The following DPP10 variants were observed in gnomAD, a reference collection of about 807,000 sequenced individuals.
The protein encoded by DPP10 is inactive dipeptidyl peptidase 10.
A neutral mutation model predicts 120.9 loss-of-function variants in DPP10; 33 were observed. That is an observed-to-expected ratio of 0.27 (90% CI 0.21 to 0.37). The LOEUF (loss-of-function observed/expected upper bound fraction) is 0.37, where lower values mean the gene tolerates loss of function less well. DPP10 is among the 10% of genes least tolerant of loss of function. The pLI is 1.00. For synonymous variants in DPP10, 337 were observed against 326.1 expected (o/e 1.03, Z -0.36); for missense variants, 816 against 942.8 (o/e 0.87, Z 1.76).
At chr2:114,602,107 G>A (rs1007492747) in intron 1 of DPP10, among the ~76,000 whole-genome samples, 3 of 151,668 alleles carry the variant, frequency 2.0e-5, no homozygotes, top group Admixed American at 1.3e-4. Context: ...AAAATATTAA[G>A]TATATTTTCA....
At chr2:114,475,443 G>C (rs1415465639) in intron 1 of DPP10, among the ~76,000 whole-genome samples, 1 of 151,988 alleles carries the variant, frequency 6.6e-6, no homozygotes, top group Admixed American at 6.6e-5. Flanking sequence ...TTTCAGTCTT[G>C]GAATTTTTAT....
intron 1 of DPP10, among the ~76,000 whole-genome samples, chr2:114,726,616 A>G (rs1702067445): frequency 6.6e-6 from 1 of 152,208 alleles, no homozygotes; most frequent in Non-Finnish European, 1.5e-5. Flanking sequence ...TTTTTTCTCT[A>G]AATGATCTTT....
chr2:114,695,449 C>T (rs919086808), intron 1 of DPP10, among the ~76,000 whole-genome samples: 3 of 152,026 alleles, frequency 2.0e-5, no homozygotes, highest in Non-Finnish European at 4.4e-5. Context: ...ATCGATTCCT[C>T]TGGAAATTCT....
chr2:115,746,238 T>C, intron 10 of DPP10, 55 bp downstream of exon 10: 1 of 1,444,434 alleles, frequency 6.9e-7, no homozygotes. Context: ...ACTCCAATTA[T>C]CATTTTGTTG....
intron 5 of DPP10, among the ~76,000 whole-genome samples, chr2:115,612,958 C>T (rs1213341246): frequency 2.6e-5 from 4 of 151,598 alleles, no homozygotes; most frequent in African/African-American, 9.7e-5. Context: ...GTTGATAAAT[C>T]AATTGTATAA....
chr2:114,501,872 T>A (rs537304550), intron 1 of DPP10, among the ~76,000 whole-genome samples: 2 of 151,964 alleles, frequency 1.3e-5, no homozygotes, highest in East Asian at 3.9e-4. Context: ...TCTTTCCATC[T>A]GGTCAAACAC....
At chr2:114,827,993 C>G (rs186421532) in intron 1 of DPP10, among the ~76,000 whole-genome samples, 14 of 152,066 alleles carry the variant, frequency 9.2e-5, no homozygotes, top group African/African-American at 2.7e-4. Context: ...GTTTTTCTTG[C>G]TTTGTAGAAA....
At chr2:114,662,571 G>A (rs1459204190) in intron 1 of DPP10, among the ~76,000 whole-genome samples, 3 of 152,122 alleles carry the variant, frequency 2.0e-5, no homozygotes, top group Non-Finnish European at 2.9e-5. Context: ...AGACACTTCC[G>A]GTTCTCAGAG....
chr2:115,592,840 G>C (rs899928461), intron 5 of DPP10, among the ~76,000 whole-genome samples: 2 of 152,080 alleles, frequency 1.3e-5, no homozygotes, highest in African/African-American at 4.8e-5. Flanking sequence ...TCTCTACAGA[G>C]GCAAAATTTT....
chr2:115,676,310 T>C (rs781069244), intron 5 of DPP10, among the ~76,000 whole-genome samples: 2 of 152,154 alleles, frequency 1.3e-5, no homozygotes, highest in Non-Finnish European at 2.9e-5. Context: ...TATATTACTG[T>C]GCCCACTCAG....
chr2:115,543,483 C>CA (rs1344630176), intron 5 of DPP10, among the ~76,000 whole-genome samples: 1 of 152,048 alleles, frequency 6.6e-6, no homozygotes, highest in Non-Finnish European at 1.5e-5. Context: ...GGTAAACACA[C>CA]AGCCAAATAA....
chr2:115,068,671 ATGT>A (rs1367047279), intron 1 of DPP10, among the ~76,000 whole-genome samples: 1 of 152,080 alleles, frequency 6.6e-6, no homozygotes, highest in Non-Finnish European at 1.5e-5. Flanking sequence ...GTTTTTTCCT[ATGT>A]TGTCTTTCAA....
chr2:114,789,164 C>CATATACAGAT (rs1683029551), intron 1 of DPP10, among the ~76,000 whole-genome samples: 1 of 134,020 alleles, frequency 7.5e-6, no homozygotes, highest in Non-Finnish European at 1.6e-5. Flanking sequence ...TAAGCGCCAT[C>CATATACAGAT]ACTGGGATAG....
intron 1 of DPP10, among the ~76,000 whole-genome samples, chr2:115,253,600 G>A (rs1448041813): frequency 6.6e-6 from 1 of 152,130 alleles, no homozygotes; most frequent in Non-Finnish European, 1.5e-5. Flanking sequence ...TAAAAGAAAG[G>A]GGCCCTAGGT....
At chr2:114,587,581 G>A (rs1291044939) in intron 1 of DPP10, among the ~76,000 whole-genome samples, 1 of 152,046 alleles carries the variant, frequency 6.6e-6, no homozygotes, top group East Asian at 1.9e-4. Flanking sequence ...GGAGCTTGTG[G>A]TGCTTACAGC....
chr2:114,993,963 C>T (rs1363517073), intron 1 of DPP10, among the ~76,000 whole-genome samples: 4 of 152,172 alleles, frequency 2.6e-5, no homozygotes, highest in Non-Finnish European at 5.9e-5. Flanking sequence ...TCGAGTAATG[C>T]TCCCTAATCC....
intron 1 of DPP10, among the ~76,000 whole-genome samples, chr2:115,091,410 C>G (rs1031463096): frequency 6.6e-6 from 1 of 152,140 alleles, no homozygotes; most frequent in South Asian, 2.1e-4. Flanking sequence ...TAATCATCCT[C>G]CATGATTTTG....
chr2:115,778,352 C>T (rs898375338), intron 15 of DPP10, among the ~76,000 whole-genome samples: 8 of 151,994 alleles, frequency 5.3e-5, no homozygotes, highest in Non-Finnish European at 7.4e-5. Flanking sequence ...ATAAGGAACG[C>T]TCATTGCTTG....
At position 114,839,344 on chromosome 2, in the gene DPP10, T is replaced by G. The variant is rs182056725; in HGVS notation, c.60+396506T>G. ...ACAACAGATGCCAAAGAAGGTAGTA[T>G]CAGTTTAAGAGATTTCATTCAGCTA... is the stretch of plus-strand genomic sequence containing the variant. On this transcript the variant is annotated intron_variant, in intron 1 of 25. Coordinates refer to ENST00000410059, the MANE Select transcript of DPP10 (RefSeq NM_020868.6). Among the ~76,000 whole-genome samples the G allele has an allele frequency of 8.5e-5, 13 of 152,314 alleles. No individual in the cohort carries two copies. The East Asian group carries it at 2.5e-3, about 29-fold the overall frequency.
Sources: gnomAD v4.1 joint callset for allele counts (sites outside exome capture counted in the v4.1 genomes callset) on GRCh38, gnomAD v4.1.1 for gene constraint, MANE v1.5 for transcripts, NCBI Gene and HGNC (gene_info 2026-07-23, HGNC 2026-07-21) for gene names.